LRRTM4: variants seen among roughly 807,000 people sequenced by gnomAD.
LRRTM4 encodes the protein leucine-rich repeat transmembrane neuronal protein 4.
In LRRTM4, 25 loss-of-function variants were observed where a neutral mutation model predicts 47.6. That is an observed-to-expected ratio of 0.53 (90% CI 0.38 to 0.73). The LOEUF (loss-of-function observed/expected upper bound fraction) is 0.73. LRRTM4 is among the 30% of genes least tolerant of loss of function. The pLI is 0.00. For missense variants in LRRTM4, 638 were observed against 713.4 expected, an observed-to-expected ratio of 0.89 and a Z score of 1.20; for synonymous variants, 311 against 269.5, an observed-to-expected ratio of 1.15 and a Z score of -1.51.
chr2:76,787,196 GAAAATA>G (rs1413400544), intron 3 of LRRTM4, among the ~76,000 whole-genome samples: 1 of 152,064 alleles, frequency 6.6e-6, no homozygotes, highest in Non-Finnish European at 1.5e-5. Flanking sequence ...AAAGGATGTG[GAAAATA>G]AAAATGATCT....
chr2:77,069,297 A>C (rs1680068409), intron 3 of LRRTM4, among the ~76,000 whole-genome samples: 1 of 152,032 alleles, frequency 6.6e-6, no homozygotes, highest in African/African-American at 2.4e-5. Context: ...GAATATAATA[A>C]TACTATTAAC....
intron 3 of LRRTM4, among the ~76,000 whole-genome samples, chr2:76,749,788 A>G (rs1672784665): frequency 6.6e-6 from 1 of 152,232 alleles, no homozygotes; most frequent in Non-Finnish European, 1.5e-5. Context: ...CAAATTTAGG[A>G]AAAAGCAAAT....
chr2:77,031,719 C>A lies in LRRTM4; in HGVS notation c.1552-282803G>T, dbSNP rs567377559. 8.5e-4 allele frequency among the ~76,000 whole-genome samples: 121 copies of A among 141,900 alleles called. No individual in the cohort carries two copies. In the South Asian group the frequency reaches 0.021, roughly 25 times the overall value. The allele number at this position is 141,900 out of a possible 152,430, so 93.1% of individuals were successfully genotyped here. A position where few individuals can be genotyped will look rare whatever the true frequency, so the allele number is the denominator to read the frequency against. On this transcript the variant is annotated intron_variant, in intron 3 of 3. Coordinates refer to ENST00000409884, the MANE Select transcript of LRRTM4 (RefSeq NM_001134745.3). ...CAGTCAATAATGAACACCATGTGAT[C>A]TCTAACTATATCTTTGTGTGTGCGT...
chr2:77,218,360 T>G (rs939862529), intron 3 of LRRTM4, among the ~76,000 whole-genome samples: 6 of 151,942 alleles, frequency 3.9e-5, no homozygotes, highest in Non-Finnish European at 7.4e-5. Flanking sequence ...TATGTTATGA[T>G]AGCTTATTTC....
At chr2:77,445,840 C>T (rs1446195175) in intron 3 of LRRTM4, among the ~76,000 whole-genome samples, 1 of 151,948 alleles carries the variant, frequency 6.6e-6, no homozygotes, top group Non-Finnish European at 1.5e-5. Flanking sequence ...GATAAAAATA[C>T]CACCTATCTG....
chr2:76,867,908 G>A (rs1558702372), intron 3 of LRRTM4, among the ~76,000 whole-genome samples: 2 of 152,102 alleles, frequency 1.3e-5, no homozygotes, highest in Non-Finnish European at 1.5e-5. Flanking sequence ...CCCAGGAAAC[G>A]TAGTACTGAG....
chr2:77,201,101 A>C (rs936523756), intron 3 of LRRTM4, among the ~76,000 whole-genome samples: 1 of 152,160 alleles, frequency 6.6e-6, no homozygotes, highest in Non-Finnish European at 1.5e-5. Flanking sequence ...TACTGTCATG[A>C]CTTAGAATCA....
intron 3 of LRRTM4, among the ~76,000 whole-genome samples, chr2:76,830,295 C>T (rs1481150927): frequency 2.0e-5 from 3 of 152,006 alleles, no homozygotes; most frequent in Admixed American, 1.3e-4. Flanking sequence ...TGTTTGTACT[C>T]TACTTTTATC....
chr2:77,207,940 G>C (rs1674187606), intron 3 of LRRTM4, among the ~76,000 whole-genome samples: 1 of 120,462 alleles, frequency 8.3e-6, no homozygotes, highest in Non-Finnish European at 1.6e-5. Context: ...GTGCAATGCT[G>C]TTATCTTGGC....
Position 76,911,588 on chromosome 2 carries a change from A to G in LRRTM4, c.1552-162672T>C, listed in dbSNP as rs1157520786. Among the ~76,000 whole-genome samples the G allele has an allele frequency of 3.3e-5, 5 of 152,120 alleles. No individual in the cohort carries two copies. In the East Asian group the frequency reaches 9.7e-4, roughly 29 times the overall value. ...TTGAATGGATCATTGTGGGACTCTG[A>G]TATGCTCATTCTAAGAGGAGAAATC... On this transcript the variant is annotated intron_variant, in intron 3 of 3. Coordinates refer to ENST00000409884, the MANE Select transcript of LRRTM4 (RefSeq NM_001134745.3).
At chr2:77,403,213 T>A (rs1444782310) in intron 3 of LRRTM4, among the ~76,000 whole-genome samples, 1 of 151,990 alleles carries the variant, frequency 6.6e-6, no homozygotes, top group Admixed American at 6.6e-5. Flanking sequence ...TTTGCCTTCC[T>A]ATACTGACTT....
intron 3 of LRRTM4, among the ~76,000 whole-genome samples, chr2:76,828,781 G>A (rs555902491): frequency 6.6e-6 from 1 of 151,942 alleles, no homozygotes; most frequent in Non-Finnish European, 1.5e-5. Flanking sequence ...TTTTCACTCA[G>A]TAGCTGTACA....
intron 3 of LRRTM4, among the ~76,000 whole-genome samples, chr2:77,220,635 T>A (rs566843915): frequency 1.4e-3 from 213 of 152,136 alleles, no homozygotes; most frequent in African/African-American, 4.4e-3. Flanking sequence ...TGAAATGAAG[T>A]GAGAAGTGAA....
chr2:77,209,077 C>A (rs899921324), intron 3 of LRRTM4, among the ~76,000 whole-genome samples: 1 of 152,132 alleles, frequency 6.6e-6, no homozygotes, highest in East Asian at 1.9e-4. Context: ...CACCAGCGCT[C>A]TCTCCTCACA....
chr2:76,800,488 A>T (rs531418604), intron 3 of LRRTM4, among the ~76,000 whole-genome samples: 170 of 145,338 alleles, frequency 1.2e-3, no homozygotes, highest in Non-Finnish European at 2.1e-3. Context: ...TAGACCTAAA[A>T]CCATAAAAAC....
At chr2:77,458,109 C>A (rs573164651) in intron 3 of LRRTM4, among the ~76,000 whole-genome samples, 1 of 152,166 alleles carries the variant, frequency 6.6e-6, no homozygotes, top group East Asian at 1.9e-4. Flanking sequence ...TTGCATATGT[C>A]CAATATTTTT....
At chr2:77,181,895 G>T (rs573929679) in intron 3 of LRRTM4, among the ~76,000 whole-genome samples, 7 of 152,216 alleles carry the variant, frequency 4.6e-5, no homozygotes, top group Admixed American at 3.3e-4. Flanking sequence ...CAGTAGAAAT[G>T]GTGATTATTA....
intron 3 of LRRTM4, among the ~76,000 whole-genome samples, chr2:77,340,184 A>C (rs963485994): frequency 1.3e-5 from 2 of 151,960 alleles, no homozygotes; most frequent in African/African-American, 4.8e-5. Flanking sequence ...ACTAAAATAT[A>C]TATTTTAAAT....
intron 3 of LRRTM4, among the ~76,000 whole-genome samples, chr2:77,241,589 T>G (rs1376329955): frequency 6.6e-6 from 1 of 151,658 alleles, no homozygotes; most frequent in Non-Finnish European, 1.5e-5. Context: ...AATAACCTAT[T>G]GAATAGAGAT....
Sources: gnomAD v4.1 joint callset for allele counts (sites outside exome capture counted in the v4.1 genomes callset) on GRCh38, gnomAD v4.1.1 for gene constraint, MANE v1.5 for transcripts, NCBI Gene and HGNC (gene_info 2026-07-23, HGNC 2026-07-21) for gene names.